RPS16: variants seen among roughly 807,000 people sequenced by gnomAD.
RPS16 encodes the protein small ribosomal subunit protein uS9.
Under a neutral mutation model 20.1 loss-of-function variants are expected in RPS16, and 2 were observed. The observed-to-expected ratio is 0.10, with a 90% CI of 0.04 to 0.31. The LOEUF (loss-of-function observed/expected upper bound fraction) is 0.31, where lower values mean the gene tolerates loss of function less well. RPS16 is among the 10% of genes least tolerant of loss of function. The probability of loss-of-function intolerance (pLI) is 1.00; values close to 1 mark genes in which losing one functional copy is unlikely to be tolerated. For synonymous variants in RPS16, 95 were observed against 76.1 expected, an observed-to-expected ratio of 1.25 and a Z score of -1.29; for missense variants, 129 against 198.6, an observed-to-expected ratio of 0.65 and a Z score of 2.11.
Position 39,433,826 on chromosome 19 carries a change from GCTT to G in RPS16, c.151-68_151-66del, listed in dbSNP as rs757541994. ...CTGGGCAGCTTAGCCATCTCACTGG[GCTT>G]CTTGTTTCTGTGGCTTCTGCCACCA... On this transcript the variant is annotated intron_variant, in intron 2 of 4. Transcript: ENST00000251453. The G allele has an allele frequency of 6.7e-5, 101 of 1,507,292 alleles. 2 individuals are homozygous for G. The South Asian group carries it at 1.1e-3, about 16-fold the overall frequency. 93.4% of individuals were successfully genotyped at this position (1,507,292 alleles called of 1,614,324 possible). A position where few individuals can be genotyped will look rare whatever the true frequency, so the allele number is the denominator to read the frequency against.
At position 39,435,866 on chromosome 19, in the gene RPS16, C is replaced by T; in HGVS notation, c.30G>A (p.Val10=). 6.2e-7 allele frequency: 1 copy of T among 1,609,424 alleles called. No individual in the cohort carries two copies. The highest frequency in any genetic ancestry group is 8.5e-7 in the Non-Finnish European group (1 of 1,179,998). Reference sequence around the variant, plus strand: ...GGCTCACCTTGCGTCCGAAGACCTGCACAGACTGCAGCGGGCCCTTGGACG... The same window carrying T: ...GGCTCACCTTGCGTCCGAAGACCTGTACAGACTGCAGCGGGCCCTTGGACG... The part of the protein sequence containing the change: MPSKGPLQS[V]QVFGRKKTAT... Residue 10 remains valine, a synonymous_variant, in exon 1 of 5, where the codon GTG becomes GTA. Transcript: ENST00000251453.
chr19:39,435,532 C>A, intron 2 of RPS16, 75 bp downstream of exon 2: 1 of 1,262,418 alleles, frequency 7.9e-7, no homozygotes, highest in Non-Finnish European at 1.1e-6. Flanking sequence ...CCAGCCCCCC[C>A]AGCTTTCAAG....
intron 2 of RPS16, 50 bp downstream of exon 2, chr19:39,435,557 T>G (rs768154681): frequency 1.3e-6 from 2 of 1,481,482 alleles, no homozygotes; most frequent in Non-Finnish European, 9.4e-7. Context: ...ACAACATCTC[T>G]GTCTCCAAGA....
intron 2 of RPS16, chr19:39,435,060 A>C (rs2078852755): frequency 6.5e-6 from 1 of 152,968 alleles, no homozygotes; most frequent in African/African-American, 2.4e-5. Flanking sequence ...GCACTTCGGG[A>C]GGCCGAGGCT....
At chr19:39,433,606 G>A (rs764816038) in intron 3 of RPS16, 37 bp from the exon 4 acceptor site, 18 of 1,614,062 alleles carry the variant, frequency 1.1e-5, no homozygotes, top group South Asian at 6.6e-5. Context: ...GTACAGGAGC[G>A]CTGTGAAGGC....
intron 2 of RPS16, chr19:39,435,303 CAAATA>C: frequency 2.8e-6 from 1 of 355,502 alleles, no homozygotes; most frequent in South Asian, 4.9e-5. Flanking sequence ...CCTCTCAAAA[CAAATA>C]AATAAAATAA....
chr19:39,435,420 C>G, intron 2 of RPS16, 187 bp downstream of exon 2: 1 of 583,704 alleles, frequency 1.7e-6, no homozygotes. Flanking sequence ...TTCAACAACC[C>G]CATCTCAGCT....
rs17626 is a variant in RPS16 at position 39,435,881 on chromosome 19, G to A, written c.15C>T (p.Gly5=). 0.37 allele frequency: 595,101 copies of A among 1,606,520 alleles called. 114,877 individuals are homozygous for A. Among genetic ancestry groups the A allele is most frequent in the African/African-American group, 0.65 (49,008 of 74,914 alleles). ...CGAAGACCTGCACAGACTGCAGCGG[G>A]CCCTTGGACGGCATGGCTCCGAGCG... The part of the protein sequence containing the change: MPSK[G]PLQSVQVFGR... The change falls in exon 1 of 5, where the codon GGC becomes GGT. Residue 5 remains glycine (G), a synonymous_variant. Transcript: ENST00000251453.
At chr19:39,433,449 A>G in intron 4 of RPS16, 31 bp from the exon 5 acceptor site, 2 of 1,613,550 alleles carry the variant, frequency 1.2e-6, no homozygotes, top group Non-Finnish European at 1.7e-6. Flanking sequence ...GAGGATTTAG[A>G]TAATCACACA....
Position 39,435,897 on chromosome 19 carries a change from G to C in RPS16, c.-2C>G. 6.2e-7 allele frequency: 1 copy of C among 1,605,170 alleles called. No homozygotes were observed. Among genetic ancestry groups the C allele is most frequent in the Non-Finnish European group, 8.5e-7 (1 of 1,179,956 alleles). ...CTGCAGCGGGCCCTTGGACGGCATGGCTCCGAGCGTGGACTAGACAACCTC... is the reference window on the plus strand; with the variant it reads ...CTGCAGCGGGCCCTTGGACGGCATGCCTCCGAGCGTGGACTAGACAACCTC... On this transcript the variant is annotated 5_prime_UTR_variant, in exon 1 of 5. Transcript: ENST00000251453.
intron 4 of RPS16, 23 bp downstream of exon 4, chr19:39,433,499 G>T (rs781705954): frequency 1.9e-6 from 3 of 1,613,278 alleles, no homozygotes; most frequent in Non-Finnish European, 2.5e-6. Flanking sequence ...TCTACCTCAT[G>T]GGAAGGACCC....
chr19:39,433,887 G>T, intron 2 of RPS16, 126 bp from the exon 3 acceptor site: 1 of 857,564 alleles, frequency 1.2e-6, no homozygotes, highest in Non-Finnish European at 1.8e-6. Context: ...TGGGGGTCAG[G>T]GTGTCACTCC....
intron 2 of RPS16, 22 bp downstream of exon 2, chr19:39,435,585 C>T (rs1425847102): frequency 6.2e-7 from 1 of 1,600,662 alleles, no homozygotes; most frequent in East Asian, 2.2e-5. Flanking sequence ...ATCCACTCAA[C>T]GCCGGTGCCG....
Position 39,435,940 on chromosome 19 carries a change from C to A in RPS16, c.-45G>T. ...ACAACCTCACCGCGCGGCGCCGCAACCGGAAAAGGAAAGCTAGGGGCCACC... is the reference window on the plus strand; with the variant it reads ...ACAACCTCACCGCGCGGCGCCGCAAACGGAAAAGGAAAGCTAGGGGCCACC... On this transcript the variant is annotated 5_prime_UTR_variant, in exon 1 of 5. Transcript: ENST00000251453. The A allele has an allele frequency of 6.2e-7, 1 of 1,601,520 alleles. No homozygotes were observed. Among genetic ancestry groups the A allele is most frequent in the Non-Finnish European group, 8.5e-7 (1 of 1,179,812 alleles).
Position 39,434,845 on chromosome 19 carries a change from T to C in RPS16, c.150+762A>G, listed in dbSNP as rs1428801845. 2.0e-5 allele frequency: 3 copies of C among 152,210 alleles called. No homozygotes were observed. In the East Asian group the frequency reaches 5.8e-4, roughly 29 times the overall value. 9.4% of individuals were successfully genotyped at this position (152,210 alleles called of 1,614,324 possible). ...AGAACCTTATAACTCAAAAAAAATT[T>C]TTTTAACTGACCCTGCAATGTAGAT... On this transcript the variant is annotated intron_variant, in intron 2 of 4. Transcript: ENST00000251453.
chr19:39,433,666 A>G lies in RPS16; in HGVS notation c.246T>C (p.Tyr82=). 2 of 1,614,216 alleles carry G rather than the reference A, an allele frequency of 1.2e-6. No homozygotes were observed. Among genetic ancestry groups the G allele is most frequent in the Non-Finnish European group, 8.5e-7 (1 of 1,180,036 alleles). The change falls in exon 3 of 5, where the codon TAT becomes TAC. Residue 82 remains tyrosine, a splice_region_variant and synonymous_variant. Transcript: ENST00000251453. ...VKGGGHVAQI[Y]AIRQSISKAL... ...ATGCGCCCAGTTCCTGGGACTCACCATAAATCTGGGCCACGTGACCACCAC... is the reference window on the plus strand; with the variant it reads ...ATGCGCCCAGTTCCTGGGACTCACCGTAAATCTGGGCCACGTGACCACCAC...
intron 2 of RPS16, 72 bp from the exon 3 acceptor site, chr19:39,433,833 G>T: frequency 1.4e-6 from 2 of 1,459,292 alleles, no homozygotes; most frequent in Non-Finnish European, 1.9e-6. Flanking sequence ...TGGGCTTCTT[G>T]TTTCTGTGGC....
In RPS16 at chr19:39,433,839, G is replaced by C. The variant is rs1600677825; in HGVS notation, c.151-78C>G. On this transcript the variant is annotated intron_variant, in intron 2 of 4. Coordinates refer to ENST00000251453, the MANE Select transcript of RPS16 (RefSeq NM_001020.6). ...CCATCTCACTGGGCTTCTTGTTTCT[G>C]TGGCTTCTGCCACCACTGGCCTTCA... The C allele has an allele frequency of 1.2e-5, 17 of 1,413,718 alleles. No homozygotes were observed. The East Asian group carries it at 4.2e-4, about 35-fold the overall frequency. 87.6% of individuals were successfully genotyped at this position (1,413,718 alleles called of 1,614,324 possible).
At chr19:39,435,398 A>C in intron 2 of RPS16, 1 of 555,832 alleles carries the variant, frequency 1.8e-6, no homozygotes, top group Non-Finnish European at 3.2e-6. Context: ...TTCTCAAAGC[A>C]AACCCTTAAT....
Sources: allele counts gnomAD v4.1 joint callset, GRCh38; gene constraint gnomAD v4.1.1; transcripts MANE v1.5; gene names NCBI Gene and HGNC (gene_info 2026-07-23, HGNC 2026-07-21).